Variants in ANTXRL observed in about 807,000 individuals in gnomAD.
ANTXRL encodes ANTXR like.
Under a neutral mutation model 75.4 loss-of-function variants are expected in ANTXRL, and 63 were observed. The observed-to-expected ratio is 0.84, with a 90% CI of 0.68 to 1.03. ANTXRL has a LOEUF of 1.03. Ranked by LOEUF, ANTXRL falls within the 50% of genes least tolerant of loss-of-function variation. The probability of loss-of-function intolerance (pLI) is 0.00; values close to 1 mark genes in which losing one functional copy is unlikely to be tolerated. For synonymous variants in ANTXRL, 335 were observed against 291.3 expected (o/e 1.15, Z -1.53); for missense variants, 797 against 789.4 (o/e 1.01, Z -0.12).
Position 46,329,892 on chromosome 10 carries a change from G to C in ANTXRL, c.1704G>C (p.Gln568His). The change falls in exon 17 of 17, where the codon CAG (glutamine) becomes CAC (histidine). Residue 568 changes from glutamine (Q) to histidine (H), a missense_variant. Around this residue, in one of 3 missense-constraint regions of ANTXRL, gnomAD observed 479 missense variants for 422.0 expected, o/e 1.14. Transcript: ENST00000620264. ...RHSPEYFSQAQTLCNPKSCLQ... is the reference protein window; with the variant it reads ...RHSPEYFSQAHTLCNPKSCLQ... ...GCCCGGAGTACTTTTCCCAAGCACA[G>C]ACTCTGTGCAACCCAAAGAGCTGCC... 3 of 1,535,896 alleles carry C rather than the reference G, an allele frequency of 2.0e-6. 1 individual carries two copies. In the African/African-American group the frequency reaches 4.1e-5, roughly 21 times the overall value.
intron 16 of ANTXRL, among the ~76,000 whole-genome samples, chr10:46,319,139 C>G (rs1341788785): frequency 6.6e-6 from 1 of 152,148 alleles, no homozygotes; most frequent in East Asian, 1.9e-4. Context: ...TGTGAGAACT[C>G]AAGTATGTGA....
chr10:46,302,616 C>T, intron 9 of ANTXRL, 106 bp from the exon 10 acceptor site: 1 of 744,024 alleles, frequency 1.3e-6, no homozygotes, highest in Non-Finnish European at 2.3e-6. Context: ...CTTACAGGAG[C>T]CTCTGTGAAT....
chr10:46,286,096 A>G (rs782111686), upstream of ANTXRL, among the ~76,000 whole-genome samples: 1 of 152,142 alleles, frequency 6.6e-6, no homozygotes, highest in Admixed American at 6.6e-5. Context: ...AGCGTTGGTC[A>G]TACAGCAGTT....
chr10:46,300,235 C>T (rs1554960185), intron 9 of ANTXRL, among the ~76,000 whole-genome samples: 2 of 152,170 alleles, frequency 1.3e-5, no homozygotes, highest in African/African-American at 4.8e-5. Context: ...AAAGCTGCCC[C>T]ACATGGAGGG....
intron 16 of ANTXRL, among the ~76,000 whole-genome samples, chr10:46,314,096 C>A (rs188651323): frequency 2.0e-5 from 3 of 152,318 alleles, no homozygotes; most frequent in Admixed American, 1.3e-4. Context: ...CCTGCACTGG[C>A]CAGACCTCCT....
intron 16 of ANTXRL, among the ~76,000 whole-genome samples, chr10:46,326,435 C>T (rs1839216273): frequency 6.6e-6 from 1 of 152,140 alleles, no homozygotes; most frequent in Admixed American, 6.5e-5. Context: ...GGGCCAACTC[C>T]TTCTGGGAGT....
In ANTXRL at chr10:46,330,007, C is replaced by A; in HGVS notation, c.1819C>A (p.Leu607Met). Residue 607 changes from leucine to methionine, a missense_variant, in exon 17 of 17, where the codon CTG becomes ATG. Leu to Met is a conservative substitution (Grantham distance 15). This residue lies in a region of ANTXRL where 479 missense variants were observed against 422.0 expected (regional missense o/e 1.14). Coordinates refer to ENST00000620264, the MANE Select transcript of ANTXRL (RefSeq NM_001278688.3). ...GTGCTTGAGGCCTCCCTCCAGGATGCTGCCGCTGCTGTCCCCACTGCTCAG... is the reference window on the plus strand; with the variant it reads ...GTGCTTGAGGCCTCCCTCCAGGATGATGCCGCTGCTGTCCCCACTGCTCAG... ...ARCLRPPSRM[L>M]PLLSPLLRHT... 1 of 1,534,494 alleles carries A rather than the reference C, an allele frequency of 6.5e-7. No individual in the cohort carries two copies. Among genetic ancestry groups the A allele is most frequent in the Non-Finnish European group, 8.7e-7 (1 of 1,145,776 alleles).
chr10:46,329,975 C>A lies in ANTXRL; in HGVS notation c.1787C>A (p.Pro596Gln), dbSNP rs1185191080. The change falls in exon 17 of 17, where the codon CCA becomes CAA. Residue 596 changes from proline (P) to glutamine (Q), a missense_variant. This residue lies in a region of ANTXRL where 479 missense variants were observed against 422.0 expected (regional missense o/e 1.14). Transcript: ENST00000620264. ...TGCTCCTCCAGGTGCCGCCTCCCCC[C>A]AGCTAGGTGCTTGAGGCCTCCCTCC... ...LTCSSRCRLP[P>Q]ARCLRPPSRM... 1 of 1,535,816 alleles carries A rather than the reference C, an allele frequency of 6.5e-7. No homozygotes were observed. The highest frequency in any genetic ancestry group is 8.7e-7 in the Non-Finnish European group (1 of 1,146,716).
Position 46,307,447 on chromosome 10 carries a change from C to T in ANTXRL, c.1011C>T (p.Phe337=), listed in dbSNP as rs1565035384. The T allele has an allele frequency of 1.2e-5, 18 of 1,536,190 alleles. No homozygotes were observed. The highest frequency in any genetic ancestry group is 1.5e-5 in the Non-Finnish European group (17 of 1,146,810). The change falls in exon 12 of 17, where the codon TTC becomes TTT. Residue 337 remains phenylalanine (F), a synonymous_variant. Transcript: ENST00000620264. ...EVSLNKGKTF[F]KSNVSITSTT... is the part of the protein sequence containing the mutation. The stretch of plus-strand genomic sequence containing the variant: ...GCTTGAACAAAGGCAAAACATTCTT[C>T]AAGAGCAATGTCAGCATCACCAGCA...
At chr10:46,327,915 A>C (rs563444286) in intron 16 of ANTXRL, among the ~76,000 whole-genome samples, 40 of 152,282 alleles carry the variant, frequency 2.6e-4, no homozygotes, top group African/African-American at 8.2e-4. Flanking sequence ...CTGCCCTGGT[A>C]TGTGGGCATC....
chr10:46,322,075 T>G, intron 16 of ANTXRL, among the ~76,000 whole-genome samples: 1 of 152,040 alleles, frequency 6.6e-6, no homozygotes, highest in East Asian at 1.9e-4. Flanking sequence ...AGGAAACACA[T>G]TTTCTGATAA....
At chr10:46,287,944 C>A (rs1456910558) in intron 1 of ANTXRL, among the ~76,000 whole-genome samples, 1 of 152,066 alleles carries the variant, frequency 6.6e-6, no homozygotes, top group Non-Finnish European at 1.5e-5. Flanking sequence ...TGCTTTGTTG[C>A]CTGTGTTGGG....
At chr10:46,306,955 C>A (rs1454930218) in intron 11 of ANTXRL, 83 bp downstream of exon 11, 2 of 1,129,746 alleles carry the variant, frequency 1.8e-6, no homozygotes, top group South Asian at 1.6e-5. Context: ...AATGTGGATG[C>A]CCCCCACCCC....
chr10:46,313,368 C>T, intron 16 of ANTXRL, 52 bp downstream of exon 16: 2 of 1,494,754 alleles, frequency 1.3e-6, no homozygotes, highest in South Asian at 1.2e-5. Context: ...ACTGCTTTTC[C>T]CCTGACCACT....
chr10:46,303,839 G>A (rs1241136196), intron 10 of ANTXRL, among the ~76,000 whole-genome samples: 4 of 152,104 alleles, frequency 2.6e-5, no homozygotes, highest in African/African-American at 9.7e-5. Context: ...TGAGGGCCTG[G>A]GGTGCAGTTG....
intron 5 of ANTXRL, 146 bp downstream of exon 5, chr10:46,296,398 C>T: frequency 1.2e-6 from 1 of 859,570 alleles, no homozygotes. Flanking sequence ...CTCCAGGTCC[C>T]TCCCTGGTGC....
intron 16 of ANTXRL, among the ~76,000 whole-genome samples, chr10:46,321,530 C>T (rs1160223965): frequency 1.3e-5 from 2 of 152,114 alleles, no homozygotes; most frequent in African/African-American, 4.8e-5. Context: ...TGGGTGGTGA[C>T]AAGGACTCGG....
chr10:46,313,149 A>C, intron 15 of ANTXRL, 87 bp from the exon 16 acceptor site: 10 of 1,205,176 alleles, frequency 8.3e-6, no homozygotes, highest in Middle Eastern at 1.9e-4. Flanking sequence ...TCCTGGGCAC[A>C]GAGCTGTGGG....
chr10:46,306,841 TGCCC>T lies in ANTXRL; in HGVS notation c.935_938del (p.Cys312LeufsTer5), dbSNP rs1838122393. The stretch of plus-strand genomic sequence containing the variant: ...CAGTATCGACAATAATTCCATGAAT[TGCCC>T]TGGGCCAAAACTAGAAAAACCTGGA... On this transcript the variant is annotated frameshift_variant, in exon 11 of 17. Transcript: ENST00000620264. LOFTEE classifies it high-confidence loss of function. 4 of 1,530,842 alleles carry T rather than the reference TGCCC, an allele frequency of 2.6e-6. No individual in the cohort carries two copies. In the Admixed American group the frequency reaches 6.0e-5, roughly 23 times the overall value. The allele number at this position is 1,530,842 out of a possible 1,614,324, so 94.8% of individuals were successfully genotyped here. A position where few individuals can be genotyped will look rare whatever the true frequency, so the allele number is the denominator to read the frequency against.
Sources: gnomAD v4.1 joint callset for allele counts (sites outside exome capture counted in the v4.1 genomes callset) on GRCh38, gnomAD v4.1.1 for gene constraint, gnomAD v4.1.1 regional missense constraint, MANE v1.5 for transcripts, NCBI Gene and HGNC (gene_info 2026-07-23, HGNC 2026-07-21) for gene names.